The following CFAP47 variants were observed in gnomAD, a reference collection of about 807,000 sequenced individuals.
CFAP47 encodes the protein cilia and flagella associated protein 47, also known as cilia- and flagella-associated protein 47.
CFAP47 carries 29 observed loss-of-function variants against 148.1 expected under a neutral mutation model. The ratio of observed to expected loss-of-function variants is 0.20; its 90% CI spans 0.15 to 0.27. The LOEUF is 0.27. Ranked by LOEUF, CFAP47 falls within the 10% of genes least tolerant of loss-of-function variation. The probability of loss-of-function intolerance (pLI) is 1.00; values close to 1 mark genes in which losing one functional copy is unlikely to be tolerated. For synonymous variants in CFAP47, 664 were observed against 577.3 expected, an observed-to-expected ratio of 1.15 and a Z score of -2.15; for missense variants, 1,872 against 1,697.5, an observed-to-expected ratio of 1.10 and a Z score of -1.81.
At chrX:36,160,883 T>A in intron 39 of CFAP47, 114 bp downstream of exon 39, 1 of 237,509 alleles carries the variant, frequency 4.2e-6, no homozygotes. Flanking sequence ...ACAGTCTCGC[T>A]CTGTGGTCAG....
At chrX:36,075,199 ATTTTTATT>A (rs1438972750) in intron 29 of CFAP47, among the ~76,000 whole-genome samples, 5 of 105,646 alleles carry the variant, frequency 4.7e-5, no homozygotes, top group African/African-American at 1.8e-4. Flanking sequence ...TATATGTATT[ATTTTTATT>A]TATTTATTTA....
chrX:36,315,771 G>C (rs782726701), intron 56 of CFAP47, among the ~76,000 whole-genome samples: 17 of 111,315 alleles, frequency 1.5e-4, no homozygotes, highest in Admixed American at 5.7e-4. Context: ...TTCTGCACTG[G>C]CTCTCAGAGT....
intron 7 of CFAP47, among the ~76,000 whole-genome samples, chrX:35,955,193 G>A (rs1486933410): frequency 9.0e-6 from 1 of 111,706 alleles, no homozygotes; most frequent in African/African-American, 3.2e-5. Context: ...AACTTAACAT[G>A]TCCCAAACAG....
intron 26 of CFAP47, among the ~76,000 whole-genome samples, chrX:36,053,591 T>A (rs1458046635): frequency 9.0e-6 from 1 of 111,592 alleles, no homozygotes; most frequent in Non-Finnish European, 1.9e-5. Flanking sequence ...TCTGTATTCT[T>A]TGTCCTAGCC....
intron 36 of CFAP47, among the ~76,000 whole-genome samples, chrX:36,146,027 T>TC (rs1305679503): frequency 9.0e-6 from 1 of 110,813 alleles, no homozygotes; most frequent in East Asian, 2.8e-4. Flanking sequence ...TCCTTTTTTG[T>TC]CAAAAAAAAA....
intron 42 of CFAP47, among the ~76,000 whole-genome samples, chrX:36,194,378 G>T (rs1939897053): frequency 9.0e-6 from 1 of 111,275 alleles, no homozygotes; most frequent in African/African-American, 3.3e-5. Context: ...CTCCTTCTGA[G>T]CCCTCCAAAT....
chrX:36,325,216 G>A (rs1941508409), intron 57 of CFAP47, among the ~76,000 whole-genome samples: 1 of 111,753 alleles, frequency 8.9e-6, no homozygotes, highest in Admixed American at 9.5e-5. Context: ...AATATACAAT[G>A]TGCCAGGAGC....
chrX:36,142,256 A>G (rs1017795260), intron 35 of CFAP47, among the ~76,000 whole-genome samples: 1 of 111,459 alleles, frequency 9.0e-6, no homozygotes, highest in African/African-American at 3.3e-5. Context: ...CTGATGATGA[A>G]ACTGAGGCCC....
At chrX:36,273,958 A>G (rs1472960586) in intron 49 of CFAP47, among the ~76,000 whole-genome samples, 1 of 111,955 alleles carries the variant, frequency 8.9e-6, no homozygotes, top group Non-Finnish European at 1.9e-5. Context: ...TTAATGGCAT[A>G]CTTCTAAGAT....
At chrX:36,282,946 A>G (rs1055349598) in intron 50 of CFAP47, among the ~76,000 whole-genome samples, 4 of 111,744 alleles carry the variant, frequency 3.6e-5, no homozygotes, top group Admixed American at 1.9e-4. Flanking sequence ...TTCTTTTGTG[A>G]TATATTGAAT....
intron 60 of CFAP47, among the ~76,000 whole-genome samples, chrX:36,360,810 A>T (rs1457851349): frequency 8.9e-6 from 1 of 111,991 alleles, no homozygotes; most frequent in African/African-American, 3.2e-5. Context: ...TTGTCTGTAT[A>T]CTCCAACACT....
chrX:36,166,401 A>C (rs192497484), intron 39 of CFAP47, among the ~76,000 whole-genome samples: 95 of 111,112 alleles, frequency 8.5e-4, no homozygotes, highest in African/African-American at 2.8e-3. Context: ...GTGAATTTTT[A>C]TCTCTCTTAT....
At chrX:36,058,907 G>A (rs1454714581) in intron 26 of CFAP47, among the ~76,000 whole-genome samples, 2 of 112,031 alleles carry the variant, frequency 1.8e-5, no homozygotes, top group African/African-American at 6.5e-5. Flanking sequence ...AATGTTAATA[G>A]CTAATCTTCA....
chrX:36,204,443 G>T (rs782186011), intron 44 of CFAP47, among the ~76,000 whole-genome samples: 1 of 110,214 alleles, frequency 9.1e-6, no homozygotes, highest in South Asian at 4.0e-4. Context: ...GTTGGGGGAG[G>T]GGGAGGGATA....
At chrX:36,103,525 A>C (rs996984647) in intron 32 of CFAP47, among the ~76,000 whole-genome samples, 2 of 103,347 alleles carry the variant, frequency 1.9e-5, no homozygotes, top group Non-Finnish European at 3.9e-5. Context: ...AAAAAAAAAA[A>C]AAAACATCCC....
chrX:36,285,927 T>C (rs188119158), intron 51 of CFAP47, among the ~76,000 whole-genome samples: 127 of 112,005 alleles, frequency 1.1e-3, no homozygotes, highest in African/African-American at 4.1e-3. Context: ...TTTAGTTATA[T>C]GTTATCTTAT....
chrX:36,332,464 G>A (rs1556014222), intron 57 of CFAP47, among the ~76,000 whole-genome samples: 1 of 111,387 alleles, frequency 9.0e-6, no homozygotes, highest in Non-Finnish European at 1.9e-5. Context: ...CTTACAGAAA[G>A]GATTAGATTT....
intron 10 of CFAP47, among the ~76,000 whole-genome samples, chrX:35,968,685 G>A (rs988886585): frequency 7.2e-5 from 8 of 110,411 alleles, no homozygotes; most frequent in African/African-American, 2.6e-4. Flanking sequence ...TTGTTTTATT[G>A]TCTATGATAG....
At chrX:36,248,152 A>T (rs1756621079) in intron 48 of CFAP47, among the ~76,000 whole-genome samples, 1 of 106,650 alleles carries the variant, frequency 9.4e-6, no homozygotes, top group African/African-American at 3.4e-5. Flanking sequence ...TATTATACAC[A>T]TATCATATAT....
Sources: gnomAD v4.1 joint callset for allele counts (sites outside exome capture counted in the v4.1 genomes callset) on GRCh38, gnomAD v4.1.1 for gene constraint, MANE v1.5 for transcripts, NCBI Gene and HGNC (gene_info 2026-07-23, HGNC 2026-07-21) for gene names.